Variants in SGCB observed in about 807,000 individuals in gnomAD.
The protein encoded by SGCB is sarcoglycan beta.
Under a neutral mutation model 27.3 loss-of-function variants are expected in SGCB, and 25 were observed. The ratio of observed to expected loss-of-function variants is 0.92; its 90% confidence interval spans 0.67 to 1.28. SGCB has a LOEUF of 1.28. SGCB is among the 50% of genes most tolerant of loss of function. The pLI is 0.00. For synonymous variants in SGCB, 147 were observed against 133.5 expected (o/e 1.10, Z -0.70); for missense variants, 436 against 402.1 (o/e 1.08, Z -0.72).
At position 52,028,855 on chromosome 4, in the gene SGCB, T is replaced by C. The variant is rs138877636; in HGVS notation, c.496A>G (p.Ile166Val). 3.4e-4 allele frequency: 550 copies of C among 1,613,708 alleles called. No individual in the cohort carries two copies. Among genetic ancestry groups the C allele is most frequent in the Middle Eastern group, 6.6e-4 (4 of 6,084 alleles). ...ENNKTSITSD[I>V]GMQFFDPRTQ... ...CTCGGGTCAAAAAACTGCATGCCGA[T>C]GTCACTTGTAATAGAAGTTTTGTTG... Residue 166 changes from isoleucine to valine, a missense_variant, in exon 4 of 6, where the codon ATC (isoleucine) becomes GTC (valine). By Grantham distance (29) the Ile-to-Val change is conservative. Coordinates refer to ENST00000381431, the MANE Select transcript of SGCB (RefSeq NM_000232.5).
chr4:52,028,162 A>G (rs1454793020), intron 4 of SGCB, 63 bp from the exon 5 acceptor site: 3 of 1,316,814 alleles, frequency 2.3e-6, no homozygotes, highest in Admixed American at 1.8e-5. Context: ...TTGTTATCAG[A>G]GATAGAGAAA....
At chr4:52,031,883 A>C in intron 2 of SGCB, 1 of 455,998 alleles carries the variant, frequency 2.2e-6, no homozygotes, top group Non-Finnish European at 4.4e-6. Context: ...GCCAAATGAC[A>C]GTATCTTCAG....
chr4:52,024,091 C>A lies in SGCB; in HGVS notation c.823G>T (p.Asp275Tyr). 1.2e-6 allele frequency: 2 copies of A among 1,613,986 alleles called. No individual in the cohort carries two copies. Among genetic ancestry groups the A allele is most frequent in the East Asian group, 4.5e-5 (2 of 44,872 alleles). Residue 275 changes from aspartate to tyrosine, a missense_variant, in exon 6 of 6, where the codon GAC (aspartate) becomes TAC (tyrosine). Asp to Tyr is a radical substitution (Grantham distance 160). Coordinates refer to ENST00000381431, the MANE Select transcript of SGCB (RefSeq NM_000232.5). ...TTRLPSSSSG[D>Y]QLGSGDWVRY... ...ACCCAGTCACCACTACCCAACTGGT[C>A]TCCACTGGAGGAACTGGGTAGGCGG...
At chr4:52,037,456 T>C (rs1737424907) in intron 1 of SGCB, among the ~76,000 whole-genome samples, 1 of 152,212 alleles carries the variant, frequency 6.6e-6, no homozygotes, top group South Asian at 2.1e-4. Flanking sequence ...ACTATAATTG[T>C]TCAAAGGAAA....
At chr4:52,029,530 T>C (rs374838363) in intron 3 of SGCB, 148 bp downstream of exon 3, 1 of 526,640 alleles carries the variant, frequency 1.9e-6, no homozygotes, top group Non-Finnish European at 3.4e-6. Context: ...GTATTCACTA[T>C]ATTCATACAT....
intron 2 of SGCB, among the ~76,000 whole-genome samples, chr4:52,031,486 T>TA (rs1553940500): frequency 1.2e-4 from 13 of 112,882 alleles, no homozygotes; most frequent in Non-Finnish European, 2.5e-4. Context: ...TTGTTCCTTT[T>TA]AATTTTTTTT....
Position 52,028,070 on chromosome 4 carries a change from A to G in SGCB, c.651T>C (p.Asn217=). The G allele has an allele frequency of 6.2e-7, 1 of 1,613,360 alleles. No individual in the cohort carries two copies. Among genetic ancestry groups the G allele is most frequent in the Admixed American group, 1.7e-5 (1 of 60,024 alleles). The change falls in exon 5 of 6, where the codon AAT becomes AAC. Residue 217 remains asparagine (N), a synonymous_variant. Transcript: ENST00000381431. ...CAATAGCACGCCCATCAACTTTTAT[A>G]TTTAAATCACTGGTAGCATTGCTGG... ...RITSNATSDL[N]IKVDGRAIVR...
rs766160666 is a variant in SGCB, at chr4:52,029,661, T to A, written c.429+17A>T. The A allele has an allele frequency of 8.2e-6, 13 of 1,581,508 alleles. No homozygotes were observed. The highest frequency in any genetic ancestry group is 5.0e-5 in the Admixed American group (3 of 59,948). On this transcript the variant is annotated intron_variant, in intron 3 of 5. Coordinates refer to ENST00000381431, the MANE Select transcript of SGCB (RefSeq NM_000232.5). ...CCTCTCCTGTTTGCATTTCTTTCAG[T>A]TAATGTGGCAACTTACAGGCTGGTT...
chr4:52,032,083 T>G (rs555212366), intron 2 of SGCB: 24 of 397,976 alleles, frequency 6.0e-5, no homozygotes, highest in African/African-American at 4.6e-4. Flanking sequence ...TAGAATCCTC[T>G]CTGGTCCAGT....
At position 52,022,510 on chromosome 4, in the gene SGCB, T is replaced by G. The variant is rs778333711; in HGVS notation, c.*1447A>C. On this transcript the variant is annotated 3_prime_UTR_variant, in exon 6 of 6. Transcript: ENST00000381431. ...CCAATCAAATATATTAAAAATCAAC[T>G]GGCTTGAGGGTTATAAATAATTACA... The G allele has an allele frequency of 4.6e-5, 7 of 152,204 alleles. No individual in the cohort carries two copies. The highest frequency in any genetic ancestry group is 4.6e-4 in the Admixed American group (7 of 15,276). 9.4% of individuals were successfully genotyped at this position (152,204 alleles called of 1,614,324 possible).
rs1001924556 is a variant in SGCB at position 52,020,873 on chromosome 4, T to C, written c.*3084A>G. The C allele has an allele frequency of 3.3e-5, 5 of 152,726 alleles. No individual in the cohort carries two copies. The highest frequency in any genetic ancestry group is 1.2e-4 in the African/African-American group (5 of 41,562). 9.5% of individuals were successfully genotyped at this position (152,726 alleles called of 1,614,324 possible). ...ACTTTTAAGAAGACTGTTAAAATTT[T>C]CAGCATTTCAATGATCTCTTATTTG... On this transcript the variant is annotated 3_prime_UTR_variant, in exon 6 of 6. Transcript: ENST00000381431.
Position 52,028,111 on chromosome 4 carries a change from A to C in SGCB, c.622-12T>G, listed in dbSNP as rs776017199. On this transcript the variant is annotated splice_polypyrimidine_tract_variant and intron_variant, in intron 4 of 5. Transcript: ENST00000381431. Reference sequence around the variant, plus strand: ...GCATTGCTGGTAATCTGAAAATTTAAAAAACAAGTACTAAAAAGAGTTTCT... The same window carrying C: ...GCATTGCTGGTAATCTGAAAATTTACAAAACAAGTACTAAAAAGAGTTTCT... 2.1e-5 allele frequency: 33 copies of C among 1,596,722 alleles called. No homozygotes were observed. The highest frequency in any genetic ancestry group is 2.7e-5 in the Non-Finnish European group (32 of 1,164,478).
Position 52,023,704 on chromosome 4 carries a change from T to A in SGCB, c.*253A>T, listed in dbSNP as rs1482027979. ...AATTTTAAAAACACGTCTTTAAACATGACTTTTGATTTTATTTGCTTCTCA... is the reference window on the plus strand; with the variant it reads ...AATTTTAAAAACACGTCTTTAAACAAGACTTTTGATTTTATTTGCTTCTCA... On this transcript the variant is annotated 3_prime_UTR_variant, in exon 6 of 6. Transcript: ENST00000381431. The A allele has an allele frequency of 1.6e-5, 7 of 447,178 alleles. No homozygotes were observed. Among genetic ancestry groups the A allele is most frequent in the Non-Finnish European group, 2.8e-5 (7 of 246,652 alleles). The allele number at this position is 447,178 out of a possible 1,614,324, so 27.7% of individuals were successfully genotyped here.
In SGCB at chr4:52,029,757, C is replaced by G; in HGVS notation, c.350G>C (p.Gly117Ala). 1 of 1,613,592 alleles carries G rather than the reference C, an allele frequency of 6.2e-7. No individual in the cohort carries two copies. The highest frequency in any genetic ancestry group is 8.5e-7 in the Non-Finnish European group (1 of 1,179,624). ...LLRFKQVSDM[G>A]VIHPLYKSTV... The stretch of plus-strand genomic sequence containing the variant: ...GCTTTTATAAAGAGGGTGGATCACT[C>G]CCATGTCAGATACTTGCTTAAATCG... Residue 117 changes from glycine (G) to alanine (A), a missense_variant, in exon 3 of 6, where the codon GGA becomes GCA. Physicochemically the swap from Gly to Ala is moderately conservative, Grantham distance 60. Coordinates refer to ENST00000381431, the MANE Select transcript of SGCB (RefSeq NM_000232.5).
intron 1 of SGCB, among the ~76,000 whole-genome samples, chr4:52,033,934 T>C (rs1395707756): frequency 1.3e-5 from 2 of 152,168 alleles, no homozygotes; most frequent in South Asian, 2.1e-4. Flanking sequence ...ACGTATCCTA[T>C]AGTGAGTAAC....
At position 52,023,515 on chromosome 4, in the gene SGCB, C is replaced by T. The variant is rs1376977274; in HGVS notation, c.*442G>A. ...GGCTCAGGCTTAATGCACTAGAAAT[C>T]TGCATCTTTCCTTTTAGAAGCTAAA... On this transcript the variant is annotated 3_prime_UTR_variant, in exon 6 of 6. Transcript: ENST00000381431. 1 of 167,114 alleles carries T rather than the reference C, an allele frequency of 6.0e-6. No homozygotes were observed. Among genetic ancestry groups the T allele is most frequent in the Non-Finnish European group, 1.3e-5 (1 of 76,318 alleles). 10.4% of individuals were successfully genotyped at this position (167,114 alleles called of 1,614,324 possible).
intron 1 of SGCB, 151 bp downstream of exon 1, chr4:52,038,076 T>TCCCGCCCCGC (rs963264476): frequency 8.6e-5 from 15 of 173,802 alleles, no homozygotes; most frequent in Admixed American, 3.3e-4. Context: ...GCACAGCTCC[T>TCCCGCCCCGC]CCCGCCCCGC....
At chr4:52,029,603 C>T (rs1381573741) in intron 3 of SGCB, 75 bp downstream of exon 3, 1 of 909,832 alleles carries the variant, frequency 1.1e-6, no homozygotes, top group Non-Finnish European at 1.8e-6. Flanking sequence ...CAATAATCAA[C>T]TAGGTTTTTG....
intron 1 of SGCB, among the ~76,000 whole-genome samples, chr4:52,037,623 C>A (rs1462639355): frequency 6.6e-6 from 1 of 152,070 alleles, no homozygotes; most frequent in African/African-American, 2.4e-5. Flanking sequence ...GCCTTTTAAA[C>A]CATTCTAAGT....
Sources: allele counts gnomAD v4.1 joint callset (sites outside exome capture counted in the v4.1 genomes callset), GRCh38; gene constraint gnomAD v4.1.1; transcripts MANE v1.5; gene names NCBI Gene and HGNC (gene_info 2026-07-23, HGNC 2026-07-21).